The following TAPT1 variants were observed in gnomAD, a reference collection of about 807,000 sequenced individuals.
TAPT1 encodes the protein transmembrane anterior posterior transformation protein 1 homolog.
TAPT1 carries 28 observed loss-of-function variants against 65.6 expected under a neutral mutation model. The observed-to-expected ratio is 0.43, with a 90% CI of 0.32 to 0.59. The LOEUF (loss-of-function observed/expected upper bound fraction) is 0.59. TAPT1 is among the 20% of genes least tolerant of loss of function. The pLI is 0.09. For synonymous variants in TAPT1, 278 were observed against 245.2 expected (o/e 1.13, Z -1.25); for missense variants, 563 against 679.9 (o/e 0.83, Z 1.91).
chr4:16,212,293 A>G (rs1750688644), intron 2 of TAPT1, among the ~76,000 whole-genome samples: 1 of 152,182 alleles, frequency 6.6e-6, no homozygotes, highest in Non-Finnish European at 1.5e-5. Context: ...GGTGGGCAAA[A>G]GCTGATTGTG....
At chr4:16,202,262 T>A (rs1029713398) in intron 3 of TAPT1, among the ~76,000 whole-genome samples, 200 bp downstream of exon 3, 2 of 152,068 alleles carry the variant, frequency 1.3e-5, no homozygotes, top group African/African-American at 4.8e-5. Context: ...TCAAAACAAT[T>A]CTGGAAAAAA....
At chr4:16,197,513 G>C (rs1347596313) in intron 3 of TAPT1, among the ~76,000 whole-genome samples, 1 of 152,044 alleles carries the variant, frequency 6.6e-6, no homozygotes, top group Admixed American at 6.6e-5. Context: ...GAGAATAGAG[G>C]GCTGACAAAA....
At chr4:16,166,601 T>A (rs745843987) in intron 13 of TAPT1, 32 bp downstream of exon 13, 7 of 1,606,478 alleles carry the variant, frequency 4.4e-6, no homozygotes, top group Non-Finnish European at 4.3e-6. Context: ...TTGAAAATGA[T>A]CCAGGGAAGT....
At chr4:16,172,263 T>C (rs531156195) in intron 11 of TAPT1, among the ~76,000 whole-genome samples, 5 of 152,276 alleles carry the variant, frequency 3.3e-5, no homozygotes, top group Non-Finnish European at 7.3e-5. Context: ...AAGTTCATAC[T>C]ATGAGTTTTC....
In TAPT1 at chr4:16,176,232, T is replaced by C; in HGVS notation, c.998-4A>G. The C allele has an allele frequency of 1.3e-6, 2 of 1,490,698 alleles. No homozygotes were observed. The highest frequency in any genetic ancestry group is 1.8e-6 in the Non-Finnish European group (2 of 1,106,706). The allele number at this position is 1,490,698 out of a possible 1,614,324, so 92.3% of individuals were successfully genotyped here. On this transcript the variant is annotated splice_polypyrimidine_tract_variant and splice_region_variant and intron_variant, in intron 8 of 13. Coordinates refer to ENST00000405303, the MANE Select transcript of TAPT1 (RefSeq NM_153365.3). ...GGAAACAACACCCAGAGATGATCTGTAAATAGAAAAAAGAAAAACAACGAA... is the reference window on the plus strand; with the variant it reads ...GGAAACAACACCCAGAGATGATCTGCAAATAGAAAAAAGAAAAACAACGAA...
At chr4:16,166,437 C>A (rs1747625168) in intron 13 of TAPT1, among the ~76,000 whole-genome samples, 196 bp downstream of exon 13, 1 of 152,188 alleles carries the variant, frequency 6.6e-6, no homozygotes, top group South Asian at 2.1e-4. Context: ...CAATGTTGAA[C>A]AGCGAATGAG....
chr4:16,213,415 T>C (rs1456307840), intron 2 of TAPT1, among the ~76,000 whole-genome samples: 1 of 151,830 alleles, frequency 6.6e-6, no homozygotes, highest in African/African-American at 2.4e-5. Flanking sequence ...AAATAATTTA[T>C]CATGCTGAAT....
At chr4:16,202,872 T>C (rs745461986) in intron 2 of TAPT1, among the ~76,000 whole-genome samples, 2 of 152,156 alleles carry the variant, frequency 1.3e-5, no homozygotes, top group African/African-American at 2.4e-5. Flanking sequence ...CTCTAGATAT[T>C]ATGGAAAATC....
At chr4:16,196,711 T>C in intron 3 of TAPT1, 1 of 1,288,004 alleles carries the variant, frequency 7.8e-7, no homozygotes, top group Non-Finnish European at 1.0e-6. Context: ...GTGAAAGTGC[T>C]CCTCCCTTCG....
chr4:16,217,093 G>C (rs1750982383), intron 1 of TAPT1, among the ~76,000 whole-genome samples: 1 of 152,068 alleles, frequency 6.6e-6, no homozygotes, highest in Admixed American at 6.5e-5. Context: ...AATTTTCCAG[G>C]AGTGAACATG....
rs1458740689 is a variant in TAPT1 at position 16,162,859 on chromosome 4, A to C, written c.*449T>G. ...AATTTTTTTAATGCTTTGGCAGATG[A>C]AGTAACGTTTGAAAACTGTTTGTGA... On this transcript the variant is annotated 3_prime_UTR_variant, in exon 14 of 14. Coordinates refer to ENST00000405303, the MANE Select transcript of TAPT1 (RefSeq NM_153365.3). The C allele has an allele frequency of 8.5e-6, 3 of 354,634 alleles. No individual in the cohort carries two copies. Among genetic ancestry groups the C allele is most frequent in the African/African-American group, 6.4e-5 (3 of 46,838 alleles). The allele number at this position is 354,634 out of a possible 1,614,324, so 22.0% of individuals were successfully genotyped here. A position where few individuals can be genotyped will look rare whatever the true frequency, so the allele number is the denominator to read the frequency against.
chr4:16,192,521 T>C (rs758955170), intron 3 of TAPT1, among the ~76,000 whole-genome samples: 31 of 152,208 alleles, frequency 2.0e-4, no homozygotes, highest in Admixed American at 1.3e-4. Context: ...AATCACTCCT[T>C]ACTTCTGAGG....
chr4:16,215,239 C>T (rs188765052), intron 1 of TAPT1, among the ~76,000 whole-genome samples: 115 of 152,048 alleles, frequency 7.6e-4, no homozygotes, highest in Non-Finnish European at 1.4e-3. Flanking sequence ...TGCAGTAAGC[C>T]GAGATCACGC....
At chr4:16,175,678 C>G (rs1444686808) in intron 9 of TAPT1, among the ~76,000 whole-genome samples, 1 of 152,122 alleles carries the variant, frequency 6.6e-6, no homozygotes, top group East Asian at 1.9e-4. Flanking sequence ...TAAACACTTT[C>G]ACCAGAAAAA....
chr4:16,195,309 C>T (rs906276477), intron 3 of TAPT1, among the ~76,000 whole-genome samples: 1 of 152,212 alleles, frequency 6.6e-6, no homozygotes, highest in Non-Finnish European at 1.5e-5. Flanking sequence ...CAACCCCGAA[C>T]TGGCTTTTGA....
intron 1 of TAPT1, among the ~76,000 whole-genome samples, chr4:16,218,790 T>C (rs553271236): frequency 1.6e-4 from 24 of 152,350 alleles, no homozygotes; most frequent in African/African-American, 5.5e-4. Flanking sequence ...TAATCAGTTC[T>C]GGTTTGGTGG....
Position 16,202,331 on chromosome 4 carries a change from G to T in TAPT1, c.449+131C>A, listed in dbSNP as rs28499485. 752 of 477,442 alleles carry T rather than the reference G, an allele frequency of 1.6e-3. 3 individuals are homozygous for T. Among genetic ancestry groups the T allele is most frequent in the African/African-American group, 0.013 (667 of 49,568 alleles). 29.6% of individuals were successfully genotyped at this position (477,442 alleles called of 1,614,324 possible). On this transcript the variant is annotated intron_variant, in intron 3 of 13. Transcript: ENST00000405303. The stretch of plus-strand genomic sequence containing the variant: ...ATATTATATAATATCCATTAAAAAG[G>T]TAAACAGTTTATGCATGAAGGGCCA...
chr4:16,227,019 A>T (rs1390561956), upstream of TAPT1: 1 of 452,748 alleles, frequency 2.2e-6, no homozygotes, highest in Non-Finnish European at 4.4e-6. Context: ...CCGGCTCCAG[A>T]TCACCGACCC....
intron 1 of TAPT1, among the ~76,000 whole-genome samples, chr4:16,220,122 T>C (rs1028157336): frequency 1.3e-5 from 2 of 152,250 alleles, no homozygotes; most frequent in African/African-American, 4.8e-5. Flanking sequence ...TGTTTTTATT[T>C]TGTTAAACAT....
Sources: allele counts gnomAD v4.1 joint callset (sites outside exome capture counted in the v4.1 genomes callset), GRCh38; gene constraint gnomAD v4.1.1; transcripts MANE v1.5; gene names NCBI Gene and HGNC (gene_info 2026-07-23, HGNC 2026-07-21).